Variants in RFX6 observed in about 807,000 individuals in gnomAD.
RFX6 encodes DNA-binding protein RFX6.
Under a neutral mutation model 110.8 loss-of-function variants are expected in RFX6, and 50 were observed. The ratio of observed to expected loss-of-function variants is 0.45; its 90% CI spans 0.36 to 0.57. The LOEUF (loss-of-function observed/expected upper bound fraction) is 0.57, where lower values mean the gene tolerates loss of function less well. Ranked by LOEUF, RFX6 falls within the 20% of genes least tolerant of loss-of-function variation. The pLI, the probability that RFX6 is intolerant of heterozygous loss-of-function variation, is 0.00. For missense variants in RFX6, 990 were observed against 1,127.0 expected, an observed-to-expected ratio of 0.88 and a Z score of 1.74; for synonymous variants, 383 against 411.2, an observed-to-expected ratio of 0.93 and a Z score of 0.83.
In RFX6 at chr6:116,920,414, T is replaced by A. The variant is rs770671840; in HGVS notation, c.1287T>A (p.Ile429=). ...NSIGSQALLT[I]SGSTDTESGI... is the part of the protein sequence containing the mutation. ...TTGGCTCTCAAGCCCTTCTTACCAT[T>A]TCAGGCAGCACAGACACTGAATCTG... The change falls in exon 12 of 19, where the codon ATT becomes ATA. Residue 429 remains isoleucine, a synonymous_variant. Transcript: ENST00000332958. 1 of 1,613,564 alleles carries A rather than the reference T, an allele frequency of 6.2e-7. No individual in the cohort carries two copies. The highest frequency in any genetic ancestry group is 8.5e-7 in the Non-Finnish European group (1 of 1,179,520).
chr6:116,906,684 G>A (rs1775208963), intron 6 of RFX6, among the ~76,000 whole-genome samples: 2 of 151,788 alleles, frequency 1.3e-5, no homozygotes, highest in African/African-American at 4.8e-5. Flanking sequence ...GAATATAAAT[G>A]CAACTAGTTT....
At chr6:116,923,542 T>C (rs904299843) in intron 14 of RFX6, 4 of 330,788 alleles carry the variant, frequency 1.2e-5, no homozygotes, top group African/African-American at 8.4e-5. Flanking sequence ...ACTCAGGAAA[T>C]GCTTAATGCA....
intron 6 of RFX6, among the ~76,000 whole-genome samples, chr6:116,903,292 A>G (rs1195447496): frequency 3.3e-5 from 5 of 152,040 alleles, no homozygotes; most frequent in East Asian, 1.9e-4. Flanking sequence ...GATGTTGCAC[A>G]TATTGCTAGC....
At chr6:116,928,724 A>C (rs2114705788) in intron 17 of RFX6, 35 bp from the exon 18 acceptor site, 1 of 1,495,558 alleles carries the variant, frequency 6.7e-7, no homozygotes, top group South Asian at 1.1e-5. Context: ...CTTTGTAGTA[A>C]GTTAACAGCA....
In RFX6 at chr6:116,907,898, G is replaced by C. The variant is rs116495030; in HGVS notation, c.673-3037G>C. Among the ~76,000 whole-genome samples the C allele has an allele frequency of 2.5e-3, 377 of 151,950 alleles. 4 individuals carry two copies. Among genetic ancestry groups the C allele is most frequent in the African/African-American group, 8.5e-3 (351 of 41,482 alleles). On this transcript the variant is annotated intron_variant, in intron 6 of 18. Coordinates refer to ENST00000332958, the MANE Select transcript of RFX6 (RefSeq NM_173560.4). ...TTGTCAATTTTTCTTCATATATTTT[G>C]ATTATCTGTTATTATCTGTTATCTG... is the stretch of plus-strand genomic sequence containing the variant.
Position 116,925,662 on chromosome 6 carries a change from A to C in RFX6, c.1885+3A>C. 6.2e-7 allele frequency: 1 copy of C among 1,609,324 alleles called. No individual in the cohort carries two copies. Among genetic ancestry groups the C allele is most frequent in the Non-Finnish European group, 8.5e-7 (1 of 1,175,894 alleles). ...CACAGACAACATGCCGCTCACAGGT[A>C]CGCTAAAGAGAACTGCTTAGGCTCC... On this transcript the variant is annotated splice_donor_region_variant and intron_variant, in intron 16 of 18. Coordinates refer to ENST00000332958, the MANE Select transcript of RFX6 (RefSeq NM_173560.4).
At chr6:116,882,954 T>A (rs921641614) in intron 4 of RFX6, among the ~76,000 whole-genome samples, 2 of 151,784 alleles carry the variant, frequency 1.3e-5, no homozygotes, top group Non-Finnish European at 2.9e-5. Context: ...CCTCTTTATG[T>A]CTTTAAATTT....
intron 1 of RFX6, 60 bp from the exon 2 acceptor site, chr6:116,877,736 A>T: frequency 1.9e-6 from 3 of 1,569,694 alleles, no homozygotes; most frequent in Non-Finnish European, 2.6e-6. Context: ...GTACACTTAA[A>T]GGCGACTTAG....
chr6:116,886,934 G>A (rs188545039), intron 4 of RFX6, among the ~76,000 whole-genome samples: 4 of 151,944 alleles, frequency 2.6e-5, no homozygotes, highest in African/African-American at 4.8e-5. Context: ...GTGGTGGTGC[G>A]CACCTGTAGT....
chr6:116,923,496 T>C, intron 14 of RFX6: 1 of 447,366 alleles, frequency 2.2e-6, no homozygotes, highest in Non-Finnish European at 4.1e-6. Flanking sequence ...ATAGGTACTT[T>C]GGTGAGATGA....
chr6:116,919,232 T>G lies in RFX6; in HGVS notation c.1118T>G (p.Ile373Arg), dbSNP rs1775539187. Residue 373 changes from isoleucine to arginine, a missense_variant, in exon 11 of 19, where the codon ATA becomes AGA. Physicochemically the swap from Ile to Arg is moderately conservative, Grantham distance 97. This residue lies in a region of RFX6 where 243 missense variants were observed against 353.1 expected (regional missense o/e 0.69). Coordinates refer to ENST00000332958, the MANE Select transcript of RFX6 (RefSeq NM_173560.4). ...CCAGAAGCTCTAACTGACAAGAAAA[T>G]ACCTATTGTGCGAAGATTTGTATCT... ...NLPEALTDKK[I>R]PIVRRFVSSL... 1 of 1,613,254 alleles carries G rather than the reference T, an allele frequency of 6.2e-7. No individual in the cohort carries two copies. Among genetic ancestry groups the G allele is most frequent in the Admixed American group, 1.7e-5 (1 of 59,950 alleles).
At chr6:116,880,499 A>G (rs762113745) in intron 2 of RFX6, 45 bp from the exon 3 acceptor site, 3 of 1,577,100 alleles carry the variant, frequency 1.9e-6, no homozygotes, top group Non-Finnish European at 2.6e-6. Context: ...AGTTGAAGGA[A>G]AAGGAAATAA....
At chr6:116,912,319 C>T (rs554155441) in intron 7 of RFX6, among the ~76,000 whole-genome samples, 48 of 151,576 alleles carry the variant, frequency 3.2e-4, no homozygotes, top group Non-Finnish European at 5.4e-4. Context: ...GCATATGTAC[C>T]CTCTAAATCT....
intron 6 of RFX6, among the ~76,000 whole-genome samples, chr6:116,903,858 A>AT (rs35544877): frequency 1.7e-4 from 25 of 149,792 alleles, no homozygotes; most frequent in East Asian, 3.9e-4. Context: ...GTGGATGGGA[A>AT]TTTTTTTTTT....
At chr6:116,878,783 G>A (rs1214229271) in intron 2 of RFX6, among the ~76,000 whole-genome samples, 2 of 151,648 alleles carry the variant, frequency 1.3e-5, no homozygotes, top group African/African-American at 4.8e-5. Flanking sequence ...TATGATCTAA[G>A]GAGCCTTAGA....
Position 116,920,454 on chromosome 6 carries a change from C to A in RFX6, c.1327C>A (p.His443Asn), listed in dbSNP as rs77146142. 1 of 1,612,100 alleles carries A rather than the reference C, an allele frequency of 6.2e-7. No individual in the cohort carries two copies. Among genetic ancestry groups the A allele is most frequent in the African/African-American group, 1.3e-5 (1 of 74,820 alleles). Reference sequence around the variant, plus strand: ...CACTGAATCTGGTATCTACACTGAACGTAAGTCCATTCTCTTTGTTTAGAA... The same window carrying A: ...CACTGAATCTGGTATCTACACTGAAAGTAAGTCCATTCTCTTTGTTTAGAA... ...TDTESGIYTE[H>N]DSITVFQELK... is the part of the protein sequence containing the mutation. Residue 443 changes from histidine to asparagine, a missense_variant and splice_region_variant, in exon 12 of 19, where the codon CAT (histidine) becomes AAT (asparagine). By Grantham distance (68) the His-to-Asn change is moderately conservative (BLOSUM62 1). Coordinates refer to ENST00000332958, the MANE Select transcript of RFX6 (RefSeq NM_173560.4).
rs937961129 is a variant in RFX6 at position 116,927,169 on chromosome 6, A to T, written c.2028A>T (p.Ser676=). ...PSVGPVLSAP[S]HCSTYPEPIY... ...TGGGCCCAGTACTGTCAGCTCCATC[A>T]CACTGCTCCACATACCCAGAGCCCA... is the stretch of plus-strand genomic sequence containing the variant. Residue 676 remains serine (S), a synonymous_variant, in exon 17 of 19, where the codon TCA becomes TCT. Transcript: ENST00000332958. The T allele has an allele frequency of 6.2e-7, 1 of 1,614,148 alleles. No individual in the cohort carries two copies. Among genetic ancestry groups the T allele is most frequent in the Admixed American group, 1.7e-5 (1 of 60,012 alleles).
chr6:116,924,468 A>G (rs921620684), intron 14 of RFX6, among the ~76,000 whole-genome samples: 1 of 152,242 alleles, frequency 6.6e-6, no homozygotes, highest in African/African-American at 2.4e-5. Flanking sequence ...CAATACACAG[A>G]AAGATTAGAG....
intron 1 of RFX6, 93 bp from the exon 2 acceptor site, chr6:116,877,703 T>C (rs1218396632): frequency 5.8e-6 from 6 of 1,041,190 alleles, no homozygotes; most frequent in Non-Finnish European, 7.2e-6. Context: ...CCCACCCCAG[T>C]AGGCTACTCC....
Sources: gnomAD v4.1 joint callset for allele counts (sites outside exome capture counted in the v4.1 genomes callset) on GRCh38, gnomAD v4.1.1 for gene constraint, gnomAD v4.1.1 regional missense constraint, MANE v1.5 for transcripts, NCBI Gene and HGNC (gene_info 2026-07-23, HGNC 2026-07-21) for gene names.